Variants in ZNF174 observed in about 807,000 individuals in gnomAD.
The protein encoded by ZNF174 is zinc finger protein 174, also known as AW-1.
ZNF174 carries 30 observed loss-of-function variants against 38.7 expected under a neutral mutation model. The ratio of observed to expected loss-of-function variants is 0.78; its 90% CI spans 0.58 to 1.05. ZNF174 has a LOEUF of 1.05. Among genes scored for constraint, ZNF174 ranks in the 50% least tolerant of loss-of-function variants. ZNF174 has a pLI of 0.00. For missense variants in ZNF174, 499 were observed against 495.6 expected (o/e 1.01, Z -0.06); for synonymous variants, 201 against 181.7 (o/e 1.11, Z -0.86).
intron 2 of ZNF174, among the ~76,000 whole-genome samples, chr16:3,407,804 A>G (rs923931961): frequency 2.0e-5 from 3 of 152,238 alleles, no homozygotes; most frequent in African/African-American, 7.2e-5. Context: ...ATTTGTAATG[A>G]AAGAAAACAT....
rs1246734439 is a variant in ZNF174 at position 3,401,846 on chromosome 16, G to A, written c.-159G>A. 7.9e-6 allele frequency: 7 copies of A among 888,926 alleles called. No individual in the cohort carries two copies. The highest frequency in any genetic ancestry group is 1.2e-5 in the Non-Finnish European group (7 of 591,002). The allele number at this position is 888,926 out of a possible 1,614,324, so 55.1% of individuals were successfully genotyped here. The stretch of plus-strand genomic sequence containing the variant: ...CGTTGTCTTGAGTTTGGCTAGTAAA[G>A]GCTAGCAAGTGAGGCTTTGTCTCTG... On this transcript the variant is annotated 5_prime_UTR_variant, in exon 1 of 3. Transcript: ENST00000268655.
chr16:3,403,787 C>G (rs1207625249), intron 1 of ZNF174, among the ~76,000 whole-genome samples: 5 of 152,202 alleles, frequency 3.3e-5, no homozygotes, highest in African/African-American at 9.6e-5. Context: ...CAATGCCTGA[C>G]TAGCTTATTG....
intron 1 of ZNF174, among the ~76,000 whole-genome samples, chr16:3,402,927 G>C (rs991676472): frequency 6.6e-6 from 1 of 152,092 alleles, no homozygotes; most frequent in Non-Finnish European, 1.5e-5. Context: ...TGAGGCAACA[G>C]AGGACCAAGG....
Position 3,405,175 on chromosome 16 carries a change from G to A in ZNF174, c.625+527G>A, listed in dbSNP as rs557641944. The A allele has an allele frequency of 9.9e-5, 119 of 1,207,030 alleles. No individual in the cohort carries two copies. In the African/African-American group the frequency reaches 1.6e-3, roughly 16 times the overall value. 74.8% of individuals were successfully genotyped at this position (1,207,030 alleles called of 1,614,324 possible). Reference sequence around the variant, plus strand: ...CTGTGATCTCTAAGCCTGAATGACAGTGACATTTTGGCCAAGCCTGGTGAT... The same window carrying A: ...CTGTGATCTCTAAGCCTGAATGACAATGACATTTTGGCCAAGCCTGGTGAT... On this transcript the variant is annotated intron_variant, in intron 2 of 2. Coordinates refer to ENST00000268655, the MANE Select transcript of ZNF174 (RefSeq NM_003450.3).
In ZNF174 at chr16:3,404,223, C is replaced by T. The variant is rs114969607; in HGVS notation, c.403-203C>T. Among the ~76,000 whole-genome samples, 605 of 152,286 alleles carry T rather than the reference C, an allele frequency of 4.0e-3. 5 individuals are homozygous for T. The highest frequency in any genetic ancestry group is 0.013 in the African/African-American group (526 of 41,548). The stretch of plus-strand genomic sequence containing the variant: ...GGCCCAAGCTTTAGGGGAAGCCACT[C>T]GGCTGATTTGTAGCATCCTCATTCC... On this transcript the variant is annotated intron_variant, in intron 1 of 2. Transcript: ENST00000268655.
At position 3,404,556 on chromosome 16, in the gene ZNF174, C is replaced by T. The variant is rs764643113; in HGVS notation, c.533C>T (p.Pro178Leu). 1 of 1,614,196 alleles carries T rather than the reference C, an allele frequency of 6.2e-7. No homozygotes were observed. Among genetic ancestry groups the T allele is most frequent in the South Asian group, 1.1e-5 (1 of 91,090 alleles). ...RDLRESSPAE[P>L]SQAGAYDRLS... Reference sequence around the variant, plus strand: ...CTCAGGGAGAGCTCTCCAGCAGAGCCTTCCCAGGCAGGAGCTTATGACCGG... The same window carrying T: ...CTCAGGGAGAGCTCTCCAGCAGAGCTTTCCCAGGCAGGAGCTTATGACCGG... Residue 178 changes from proline to leucine, a missense_variant, in exon 2 of 3, where the codon CCT (proline) becomes CTT (leucine). Coordinates refer to ENST00000268655, the MANE Select transcript of ZNF174 (RefSeq NM_003450.3).
Position 3,408,792 on chromosome 16 carries a change from A to G in ZNF174, c.1097A>G (p.Gln366Arg), listed in dbSNP as rs368900957. The G allele has an allele frequency of 2.7e-5, 43 of 1,613,866 alleles. No homozygotes were observed. Among genetic ancestry groups the G allele is most frequent in the Non-Finnish European group, 3.5e-5 (41 of 1,180,012 alleles). The change falls in exon 3 of 3, where the codon CAG (glutamine) becomes CGG (arginine). Residue 366 changes from glutamine to arginine, a missense_variant. Gln to Arg is a conservative substitution (Grantham distance 43). Transcript: ENST00000268655. ...CGECGNCFGR[Q>R]STLKLHQRIH... ...GAGTGTGGAAACTGCTTTGGGCGGC[A>G]GTCAACCCTGAAGCTGCACCAGAGG...
Position 3,402,220 on chromosome 16 carries a change from T to C in ZNF174, c.216T>C (p.Arg72=), listed in dbSNP as rs745925046. The change falls in exon 1 of 3, where the codon CGT becomes CGC. Residue 72 remains arginine (R), a synonymous_variant. Transcript: ENST00000268655. ...EALSQLRQLC[R]QWLQPELHTK... Reference sequence around the variant, plus strand: ...TCTCCCAGCTCCGACAGCTCTGCCGTCAGTGGTTGCAACCCGAGCTGCACA... The same window carrying C: ...TCTCCCAGCTCCGACAGCTCTGCCGCCAGTGGTTGCAACCCGAGCTGCACA... The C allele has an allele frequency of 2.4e-5, 38 of 1,613,966 alleles. No homozygotes were observed. The Admixed American group carries it at 6.2e-4, about 26-fold the overall frequency.
At chr16:3,407,069 A>G (rs1173607668) in intron 2 of ZNF174, among the ~76,000 whole-genome samples, 1 of 152,200 alleles carries the variant, frequency 6.6e-6, no homozygotes, top group African/African-American at 2.4e-5. Context: ...TAAACAACAG[A>G]AATTTGTTGC....
At chr16:3,408,076 A>G (rs1425638111) in intron 2 of ZNF174, among the ~76,000 whole-genome samples, 1 of 152,134 alleles carries the variant, frequency 6.6e-6, no homozygotes, top group East Asian at 1.9e-4. Context: ...ATTTAATATA[A>G]ATCACAGTCA....
intron 2 of ZNF174, among the ~76,000 whole-genome samples, chr16:3,406,344 C>G (rs2034055823): frequency 6.6e-6 from 1 of 152,148 alleles, no homozygotes; most frequent in Non-Finnish European, 1.5e-5. Flanking sequence ...TGTGGTAATT[C>G]CATGTTTAAC....
At chr16:3,405,812 G>C (rs1448731406) in intron 2 of ZNF174, among the ~76,000 whole-genome samples, 3 of 152,158 alleles carry the variant, frequency 2.0e-5, no homozygotes, top group Non-Finnish European at 4.4e-5. Context: ...TTCGAGACCA[G>C]CCTGGGCAAC....
intron 1 of ZNF174, 73 bp downstream of exon 1, chr16:3,402,479 G>A: frequency 1.4e-6 from 2 of 1,401,444 alleles, no homozygotes; most frequent in Non-Finnish European, 1.9e-6. Flanking sequence ...CTTTTTTTGA[G>A]ACGGAATCTT....
Position 3,408,842 on chromosome 16 carries a change from C to T in ZNF174, c.1147C>T (p.Gln383Ter). 2 of 1,614,104 alleles carry T rather than the reference C, an allele frequency of 1.2e-6. No individual in the cohort carries two copies. The highest frequency in any genetic ancestry group is 1.7e-6 in the Non-Finnish European group (2 of 1,180,008). The change falls in exon 3 of 3, where the codon CAG (glutamine) becomes TAG (stop). Residue 383 changes from glutamine to a stop codon, truncating the protein, a stop_gained. Transcript: ENST00000268655. LOFTEE classifies it high-confidence loss of function. ...GATCCACACTGGAGAGAAGCCATAC[C>T]AGTGTGGCCAGTGTGGGAAAAGCTT... is the stretch of plus-strand genomic sequence containing the variant. ...QRIHTGEKPY[Q>*]CGQCGKSFRQ...
rs113071016 is a variant in ZNF174 at position 3,408,970 on chromosome 16, TCC to T, written c.*55_*56del. On this transcript the variant is annotated 3_prime_UTR_variant, in exon 3 of 3. Coordinates refer to ENST00000268655, the MANE Select transcript of ZNF174 (RefSeq NM_003450.3). Reference sequence around the variant, plus strand: ...ACACGGAAGGTGTTTGTGTTTCTCCTCCCCCTTACTTGCATGTAAATCACAAA... The same window carrying T: ...ACACGGAAGGTGTTTGTGTTTCTCCTCCCTTACTTGCATGTAAATCACAAA... 10 of 1,493,516 alleles carry T rather than the reference TCC, an allele frequency of 6.7e-6. No homozygotes were observed. Among genetic ancestry groups the T allele is most frequent in the Non-Finnish European group, 9.0e-6 (10 of 1,105,480 alleles). 92.5% of individuals were successfully genotyped at this position (1,493,516 alleles called of 1,614,324 possible).
In ZNF174 at chr16:3,408,742, A is replaced by G. The variant is rs899637055; in HGVS notation, c.1047A>G (p.Thr349=). ...SELKRHKRVH[T]GERPYTCGEC... ...TGAAGAGACACAAGAGAGTCCACACAGGAGAGAGACCCTACACGTGCGGAG... is the reference window on the plus strand; with the variant it reads ...TGAAGAGACACAAGAGAGTCCACACGGGAGAGAGACCCTACACGTGCGGAG... The change falls in exon 3 of 3, where the codon ACA becomes ACG. Residue 349 remains threonine, a synonymous_variant. Coordinates refer to ENST00000268655, the MANE Select transcript of ZNF174 (RefSeq NM_003450.3). 1 of 1,614,054 alleles carries G rather than the reference A, an allele frequency of 6.2e-7. No individual in the cohort carries two copies. Among genetic ancestry groups the G allele is most frequent in the Non-Finnish European group, 8.5e-7 (1 of 1,180,046 alleles).
intron 2 of ZNF174, among the ~76,000 whole-genome samples, chr16:3,405,475 C>T (rs188528763): frequency 1.3e-5 from 2 of 152,256 alleles, no homozygotes; most frequent in African/African-American, 4.8e-5. Context: ...TCTCAGTCCT[C>T]ATGTGGCAGA....
Position 3,403,538 on chromosome 16 carries a change from G to A in ZNF174, c.403-888G>A, listed in dbSNP as rs188562618. ...GTCTCACTGTGTTGCTGAGGCTGGAGGGCAGTGGCACGATCTCAGCTCGCT... is the reference window on the plus strand; with the variant it reads ...GTCTCACTGTGTTGCTGAGGCTGGAAGGCAGTGGCACGATCTCAGCTCGCT... On this transcript the variant is annotated intron_variant, in intron 1 of 2. Transcript: ENST00000268655. Among the ~76,000 whole-genome samples, 260 of 150,280 alleles carry A rather than the reference G, an allele frequency of 1.7e-3. 1 individual carries two copies. The highest frequency in any genetic ancestry group is 0.013 in the Admixed American group (196 of 15,040).
intron 2 of ZNF174, among the ~76,000 whole-genome samples, chr16:3,407,323 CAG>C (rs949210458): frequency 3.9e-5 from 6 of 152,116 alleles, no homozygotes; most frequent in African/African-American, 7.2e-5. Flanking sequence ...TGTCAGGGGA[CAG>C]GGGGGATAAA....
Sources: gnomAD v4.1 joint callset for allele counts (sites outside exome capture counted in the v4.1 genomes callset) on GRCh38, gnomAD v4.1.1 for gene constraint, MANE v1.5 for transcripts, NCBI Gene and HGNC (gene_info 2026-07-23, HGNC 2026-07-21) for gene names.